The following MGAT5 variants were observed in gnomAD, a reference collection of about 807,000 sequenced individuals.
MGAT5 encodes the protein alpha-1,6-mannosylglycoprotein 6-beta-N-acetylglucosaminyltransferase A.
MGAT5 carries 30 observed loss-of-function variants against 94.3 expected under a neutral mutation model. That is an observed-to-expected ratio of 0.32 (90% CI 0.24 to 0.43). The LOEUF (loss-of-function observed/expected upper bound fraction) is 0.43. Among genes scored for constraint, MGAT5 ranks in the 20% least tolerant of loss-of-function variants. The pLI is 1.00. For synonymous variants in MGAT5, 310 were observed against 322.9 expected (o/e 0.96, Z 0.43); for missense variants, 691 against 905.5 (o/e 0.76, Z 3.04).
chr2:134,275,816 A>G (rs1684326384), intron 2 of MGAT5, among the ~76,000 whole-genome samples: 1 of 151,764 alleles, frequency 6.6e-6, no homozygotes, highest in African/African-American at 2.4e-5. Context: ...TTGGGCTCCT[A>G]GGCTCAAACG....
chr2:134,364,621 C>A (rs1680308670), intron 10 of MGAT5, among the ~76,000 whole-genome samples: 3 of 152,218 alleles, frequency 2.0e-5, no homozygotes, highest in African/African-American at 7.2e-5. Flanking sequence ...TTCTGTGTAC[C>A]TGTGCTGTGC....
chr2:134,320,815 T>C (rs1205458592), intron 4 of MGAT5, among the ~76,000 whole-genome samples: 1 of 152,192 alleles, frequency 6.6e-6, no homozygotes, highest in Non-Finnish European at 1.5e-5. Flanking sequence ...TAATAGGGCA[T>C]GTGGCCCTGA....
At chr2:134,420,434 G>T (rs1009935065) in intron 12 of MGAT5, among the ~76,000 whole-genome samples, 1 of 152,188 alleles carries the variant, frequency 6.6e-6, no homozygotes, top group Non-Finnish European at 1.5e-5. Flanking sequence ...GACTGATGAC[G>T]GGCTGCTGCT....
At chr2:134,271,088 C>T (rs1025135651) in intron 2 of MGAT5, among the ~76,000 whole-genome samples, 11 of 152,324 alleles carry the variant, frequency 7.2e-5, no homozygotes, top group African/African-American at 1.9e-4. Flanking sequence ...CACCACCATG[C>T]GGTTCCCACT....
chr2:134,352,871 T>G (rs1482160457), intron 9 of MGAT5, among the ~76,000 whole-genome samples: 1 of 152,110 alleles, frequency 6.6e-6, no homozygotes, highest in East Asian at 1.9e-4. Context: ...TTATTTAGCC[T>G]TAAAAAGGAA....
intron 1 of MGAT5, among the ~76,000 whole-genome samples, chr2:134,226,056 G>C (rs1376041979): frequency 1.3e-5 from 2 of 152,204 alleles, no homozygotes; most frequent in Non-Finnish European, 2.9e-5. Context: ...GGAGAAGAGT[G>C]TTTACTGTTG....
In MGAT5 at chr2:134,172,051, T is replaced by C. The variant is rs1019572418; in HGVS notation, c.-143+51760T>C. ...AGTAATTGGACAAGATTATTTTATG[T>C]GTATAGAATTAGTGAAGTGACTGGA... On this transcript the variant is annotated intron_variant, in intron 1 of 16. Coordinates refer to the MGAT5 transcript ENST00000409645. Among the ~76,000 whole-genome samples, 3 of 152,216 alleles carry C rather than the reference T, an allele frequency of 2.0e-5. No individual in the cohort carries two copies. In the East Asian group the frequency reaches 5.8e-4, roughly 29 times the overall value.
intron 1 of MGAT5, among the ~76,000 whole-genome samples, chr2:134,192,668 T>A (rs1558980328): frequency 6.6e-6 from 1 of 152,074 alleles, no homozygotes; most frequent in African/African-American, 2.4e-5. Context: ...AAAATTTTTT[T>A]ATTTTTTTAT....
At chr2:134,261,759 T>A (rs998316932) in intron 1 of MGAT5, among the ~76,000 whole-genome samples, 1 of 152,232 alleles carries the variant, frequency 6.6e-6, no homozygotes, top group South Asian at 2.1e-4. Flanking sequence ...TTCCCCACTG[T>A]GCCCCAGAGC....
chr2:134,383,188 G>A (rs554044990), intron 10 of MGAT5, among the ~76,000 whole-genome samples: 9 of 152,268 alleles, frequency 5.9e-5, no homozygotes, highest in East Asian at 3.9e-4. Context: ...TAAAATGTTC[G>A]TGATACATGG....
At chr2:134,128,270 A>T in intron 1 of MGAT5, among the ~76,000 whole-genome samples, 1 of 147,802 alleles carries the variant, frequency 6.8e-6, no homozygotes, top group Non-Finnish European at 1.5e-5. Context: ...GAAAAGAAAG[A>T]GAGAGAGAGA....
intron 2 of MGAT5, among the ~76,000 whole-genome samples, chr2:134,309,713 G>T (rs1424893397): frequency 6.6e-6 from 1 of 152,098 alleles, no homozygotes; most frequent in South Asian, 2.1e-4. Context: ...AGAATGGAGG[G>T]TTGGTGTATA....
At chr2:134,443,587 G>T (rs542553357) in intron 15 of MGAT5, among the ~76,000 whole-genome samples, 3 of 152,312 alleles carry the variant, frequency 2.0e-5, no homozygotes, top group East Asian at 3.9e-4. Context: ...TAGGTCAAAA[G>T]TGGGGGCTTG....
At chr2:134,410,396 G>A (rs535512137) in intron 11 of MGAT5, among the ~76,000 whole-genome samples, 4 of 152,312 alleles carry the variant, frequency 2.6e-5, no homozygotes, top group African/African-American at 7.2e-5. Flanking sequence ...TGTTATTTTG[G>A]TGTTTCCAAG....
At chr2:134,439,119 A>G (rs1685330145) in intron 14 of MGAT5, among the ~76,000 whole-genome samples, 1 of 152,198 alleles carries the variant, frequency 6.6e-6, no homozygotes. Flanking sequence ...GCTAGCACCA[A>G]GTAACCTAGT....
intron 1 of MGAT5, among the ~76,000 whole-genome samples, chr2:134,148,880 T>TC (rs1687047533): frequency 6.7e-6 from 1 of 149,318 alleles, no homozygotes; most frequent in Non-Finnish European, 1.5e-5. Context: ...TGCCTCAGCC[T>TC]CCCGAGTAGC....
chr2:134,164,857 C>CAAAA (rs1687895105), intron 1 of MGAT5, among the ~76,000 whole-genome samples: 2 of 133,932 alleles, frequency 1.5e-5, no homozygotes, highest in South Asian at 2.5e-4. Context: ...AAAAACCAAA[C>CAAAA]CAAACAAAGC....
Position 134,430,874 on chromosome 2 carries a change from C to T in MGAT5, c.1869+2435C>T, listed in dbSNP as rs981548991. 5.9e-5 allele frequency among the ~76,000 whole-genome samples: 9 copies of T among 152,206 alleles called. 1 individual carries two copies. The South Asian group carries it at 1.9e-3, about 31-fold the overall frequency. ...GTAGCTGCAAGTTTCATGGAGAAGG[C>T]AGCCAAGTCCACAGGCAGTAAGTGC... On this transcript the variant is annotated intron_variant, in intron 14 of 15. Coordinates refer to ENST00000281923, the MANE Select transcript of MGAT5 (RefSeq NM_002410.5).
intron 2 of MGAT5, among the ~76,000 whole-genome samples, chr2:134,304,596 C>T (rs1256291958): frequency 6.6e-6 from 1 of 152,074 alleles, no homozygotes; most frequent in Non-Finnish European, 1.5e-5. Flanking sequence ...TTGTAACATC[C>T]CAGAATATGC....
Sources: allele counts gnomAD v4.1 joint callset (sites outside exome capture counted in the v4.1 genomes callset), GRCh38; gene constraint gnomAD v4.1.1; transcripts MANE v1.5; gene names NCBI Gene and HGNC (gene_info 2026-07-23, HGNC 2026-07-21).